The following MTA1 variants were observed in gnomAD, a reference collection of about 807,000 sequenced individuals.
The protein encoded by MTA1 is metastasis-associated protein MTA1.
MTA1 carries 15 observed loss-of-function variants against 97.0 expected under a neutral mutation model. That is an observed-to-expected ratio of 0.15 (90% CI 0.10 to 0.24). MTA1 has a LOEUF of 0.24. Ranked by LOEUF, MTA1 falls within the 10% of genes least tolerant of loss-of-function variation. The pLI is 1.00. For synonymous variants in MTA1, 435 were observed against 417.5 expected (o/e 1.04, Z -0.51); for missense variants, 709 against 1,015.1 (o/e 0.70, Z 4.10).
In MTA1 at chr14:105,449,359, C is replaced by T. The variant is rs147145559; in HGVS notation, c.191C>T (p.Thr64Ile). 2.5e-6 allele frequency: 4 copies of T among 1,612,288 alleles called. No individual in the cohort carries two copies. The highest frequency in any genetic ancestry group is 1.3e-5 in the African/African-American group (1 of 75,024). Reference protein sequence around the residue: ...TLIALADKHATLSVCYKAGPG... With the variant: ...TLIALADKHAILSVCYKAGPG... Reference sequence around the variant, plus strand: ...CGGGTGCTGTCTGTCTGTTATATAGCCCTGTCAGTCTGCTATAAGGCCGGA... The same window carrying T: ...CGGGTGCTGTCTGTCTGTTATATAGTCCTGTCAGTCTGCTATAAGGCCGGA... The change falls in exon 4 of 21, where the codon ACC (threonine) becomes ATC (isoleucine). Residue 64 changes from threonine (T) to isoleucine (I), a missense_variant and splice_region_variant. By Grantham distance (89) the Thr-to-Ile change is moderately conservative. Around this residue, in one of 2 missense-constraint regions of MTA1, gnomAD observed 321 missense variants for 593.5 expected, o/e 0.54. Coordinates refer to ENST00000331320, the MANE Select transcript of MTA1 (RefSeq NM_004689.4).
At chr14:105,445,024 C>T (rs587709451) in intron 2 of MTA1, among the ~76,000 whole-genome samples, 2 of 152,254 alleles carry the variant, frequency 1.3e-5, no homozygotes, top group South Asian at 2.1e-4. Flanking sequence ...CCGCTAGGGC[C>T]GTGGCTGCTG....
At chr14:105,465,466 T>G in intron 16 of MTA1, 2 of 285,234 alleles carry the variant, frequency 7.0e-6, no homozygotes, top group Non-Finnish European at 6.5e-6. Context: ...ACCCGGGGGC[T>G]TCCCTGCCAG....
chr14:105,446,389 C>T (rs1225989771), intron 3 of MTA1, among the ~76,000 whole-genome samples: 1 of 152,220 alleles, frequency 6.6e-6, no homozygotes, highest in Non-Finnish European at 1.5e-5. Context: ...ATGTGACTGC[C>T]CGGGTACCCG....
At chr14:105,461,986 A>G (rs1206722213) in intron 10 of MTA1, among the ~76,000 whole-genome samples, 2 of 140,130 alleles carry the variant, frequency 1.4e-5, no homozygotes, top group Admixed American at 1.5e-4. Context: ...GGCTCAGACC[A>G]GGGCGGAATT....
chr14:105,440,781 G>A (rs1219936214), intron 2 of MTA1, among the ~76,000 whole-genome samples: 2 of 152,262 alleles, frequency 1.3e-5, no homozygotes, highest in Non-Finnish European at 2.9e-5. Flanking sequence ...ATGTGGAAAA[G>A]AACCCGCAGG....
Position 105,464,804 on chromosome 14 carries a change from C to T in MTA1, c.1475C>T (p.Pro492Leu). 5 of 1,604,082 alleles carry T rather than the reference C, an allele frequency of 3.1e-6. No individual in the cohort carries two copies. The highest frequency in any genetic ancestry group is 4.3e-6 in the Non-Finnish European group (5 of 1,173,288). Residue 492 changes from proline to leucine, a missense_variant, in exon 15 of 21, where the codon CCG becomes CTG. Pro to Leu is a moderately conservative substitution (Grantham distance 98, BLOSUM62 -3). This residue lies in a region of MTA1 where 388 missense variants were observed against 421.6 expected (regional missense o/e 0.92). Transcript: ENST00000331320. ...CGCCTGTGCCGTGAGATCCTGCGCC[C>T]GTGGCACGCTGCGCGGCACCCCTAC... Reference protein sequence around the residue: ...ARRLCREILRPWHAARHPYLP... With the variant: ...ARRLCREILRLWHAARHPYLP...
intron 3 of MTA1, among the ~76,000 whole-genome samples, chr14:105,448,168 A>G (rs1595355327): frequency 6.6e-6 from 1 of 152,166 alleles, no homozygotes; most frequent in Non-Finnish European, 1.5e-5. Flanking sequence ...ACCACAGCCA[A>G]GAGTGGGAGT....
At chr14:105,464,988 G>A (rs1365438195) in intron 15 of MTA1, 106 bp from the exon 16 acceptor site, 23 of 1,394,686 alleles carry the variant, frequency 1.6e-5, no homozygotes, top group Non-Finnish European at 2.1e-5. Context: ...GTCCTCCTCG[G>A]TGCTGACATG....
chr14:105,461,194 T>C (rs1208147997), intron 10 of MTA1, among the ~76,000 whole-genome samples: 3 of 152,132 alleles, frequency 2.0e-5, no homozygotes, highest in Non-Finnish European at 4.4e-5. Flanking sequence ...AGAGCCATGC[T>C]CCTGCCACCA....
Position 105,451,616 on chromosome 14 carries a change from A to G in MTA1, c.432+1292A>G, listed in dbSNP as rs117587396. Among the ~76,000 whole-genome samples, 66 of 152,248 alleles carry G rather than the reference A, an allele frequency of 4.3e-4. 1 individual carries two copies. In the East Asian group the frequency reaches 0.013, roughly 29 times the overall value. On this transcript the variant is annotated intron_variant, in intron 6 of 20. Transcript: ENST00000331320. ...GGCACAGAAAATGTTTGTTAGCAAA[A>G]AAGGCCCGTGAGGAAGCAGCAGGTG... is the stretch of plus-strand genomic sequence containing the variant.
Position 105,463,616 on chromosome 14 carries a change from G to A in MTA1, c.1076+65G>A, listed in dbSNP as rs2083446206. 4.6e-6 allele frequency: 7 copies of A among 1,510,776 alleles called. No individual in the cohort carries two copies. In the East Asian group the frequency reaches 9.0e-5, roughly 19 times the overall value. The allele number at this position is 1,510,776 out of a possible 1,614,324, so 93.6% of individuals were successfully genotyped here. A position where few individuals can be genotyped will look rare whatever the true frequency, so the allele number is the denominator to read the frequency against. On this transcript the variant is annotated intron_variant, in intron 12 of 20. Coordinates refer to ENST00000331320, the MANE Select transcript of MTA1 (RefSeq NM_004689.4). The surrounding 1 kb of genome is among the most constrained non-coding windows in gnomAD (Gnocchi z 5.9). The stretch of plus-strand genomic sequence containing the variant: ...GGGCCAGGGAGGGTGGGCACAGGGT[G>A]CTGGGGCCAGGCGGGTCCCAAGGAA...
At chr14:105,455,338 C>T (rs1005191087) in intron 7 of MTA1, among the ~76,000 whole-genome samples, 2 of 152,236 alleles carry the variant, frequency 1.3e-5, no homozygotes, top group East Asian at 3.8e-4. Flanking sequence ...GTGCTCACCC[C>T]GGATGCTGGC....
At chr14:105,456,294 C>T (rs587700344) in intron 7 of MTA1, among the ~76,000 whole-genome samples, 8 of 152,312 alleles carry the variant, frequency 5.3e-5, no homozygotes, top group South Asian at 4.1e-4. Context: ...CCTCAGCTGG[C>T]GCATCTGTAC....
At position 105,420,661 on chromosome 14, in the gene MTA1, C is replaced by T. The variant is rs1490489519; in HGVS notation, c.28+598C>T. 1.3e-5 allele frequency among the ~76,000 whole-genome samples: 2 copies of T among 152,216 alleles called. No homozygotes were observed. The highest frequency in any genetic ancestry group is 4.8e-5 in the African/African-American group (2 of 41,460). ...AGTCCCCCCAAACTTTTCCCTGCCT[C>T]TCGCTCACCTCAGCCCATTCGGGAG... On this transcript the variant is annotated intron_variant, in intron 1 of 20. Coordinates refer to ENST00000331320, the MANE Select transcript of MTA1 (RefSeq NM_004689.4). The surrounding 1 kb of genome is among the most constrained non-coding windows in gnomAD (Gnocchi z 5.3).
intron 7 of MTA1, among the ~76,000 whole-genome samples, chr14:105,457,919 C>A (rs947118419): frequency 2.3e-4 from 34 of 150,868 alleles, no homozygotes; most frequent in Admixed American, 7.9e-4. Flanking sequence ...AGTGAGACTC[C>A]GTCTCAAAAA....
At chr14:105,461,411 G>A (rs2083342104) in intron 10 of MTA1, among the ~76,000 whole-genome samples, 1 of 152,156 alleles carries the variant, frequency 6.6e-6, no homozygotes, top group African/African-American at 2.4e-5. Context: ...CATGGCGTGG[G>A]GTCTCCCTTC....
At chr14:105,441,820 C>G (rs1435300897) in intron 2 of MTA1, among the ~76,000 whole-genome samples, 1 of 152,092 alleles carries the variant, frequency 6.6e-6, no homozygotes, top group African/African-American at 2.4e-5. Flanking sequence ...AAAAAAGGAA[C>G]TCAGAGGAAG....
rs1344176648 is a variant in MTA1, at chr14:105,422,068, T to A, written c.28+2005T>A. Among the ~76,000 whole-genome samples the A allele has an allele frequency of 6.6e-6, 1 of 152,230 alleles. No individual in the cohort carries two copies. Among genetic ancestry groups the A allele is most frequent in the Non-Finnish European group, 1.5e-5 (1 of 68,046 alleles). On this transcript the variant is annotated intron_variant, in intron 1 of 20. Transcript: ENST00000331320. The surrounding 1 kb of genome is among the most constrained non-coding windows in gnomAD (Gnocchi z 4.3). ...CCACGCGTGGGATCCAGACTGCTTC[T>A]GCGTGTGCAGTCCGTGGTCACTGTG...
chr14:105,469,549 CTG>C, intron 19 of MTA1, 51 bp downstream of exon 19: 1 of 1,600,122 alleles, frequency 6.2e-7, no homozygotes, highest in Non-Finnish European at 8.6e-7. Flanking sequence ...CATGAGCTCT[CTG>C]GGGTGTTGGG....
Sources: gnomAD v4.1 joint callset for allele counts (sites outside exome capture counted in the v4.1 genomes callset) on GRCh38, gnomAD v4.1.1 for gene constraint, gnomAD v4.1.1 regional missense constraint, Gnocchi (gnomAD v3.1) non-coding constraint, MANE v1.5 for transcripts, NCBI Gene and HGNC (gene_info 2026-07-23, HGNC 2026-07-21) for gene names.